Variants in ABHD16A observed in about 807,000 individuals in gnomAD.
The protein encoded by ABHD16A is phosphatidylserine lipase ABHD16A.
A neutral mutation model predicts 89.8 loss-of-function variants in ABHD16A; 47 were observed. That is an observed-to-expected ratio of 0.52 (90% CI 0.41 to 0.67). ABHD16A has a LOEUF of 0.67. Among genes scored for constraint, ABHD16A ranks in the 30% least tolerant of loss-of-function variants. The pLI is 0.00. For synonymous variants in ABHD16A, 251 were observed against 280.4 expected, an observed-to-expected ratio of 0.90 and a Z score of 1.05; for missense variants, 580 against 734.6, an observed-to-expected ratio of 0.79 and a Z score of 2.43.
chr6:31,702,527 T>C (rs1805114726), intron 1 of ABHD16A: 1 of 1,194,944 alleles, frequency 8.4e-7, no homozygotes, highest in South Asian at 1.9e-5. Flanking sequence ...AAGAAGAGAA[T>C]GTGGGTAGGA....
At chr6:31,691,479 G>T (rs1803870702) in intron 9 of ABHD16A, 100 bp downstream of exon 9, 1 of 1,010,382 alleles carries the variant, frequency 9.9e-7, no homozygotes. Flanking sequence ...ATTATCCCCA[G>T]TAGTGGTTCC....
intron 9 of ABHD16A, 62 bp downstream of exon 9, chr6:31,691,517 C>T (rs926300939): frequency 1.3e-5 from 20 of 1,518,608 alleles, no homozygotes; most frequent in Non-Finnish European, 1.5e-5. Context: ...GCATTGGGGT[C>T]CCCAGACCTC....
At chr6:31,702,244 T>C in intron 1 of ABHD16A, 114 bp from the exon 2 acceptor site, 1 of 1,030,178 alleles carries the variant, frequency 9.7e-7, no homozygotes, top group Non-Finnish European at 1.5e-6. Flanking sequence ...CTATCTCTCT[T>C]GAAACATCCC....
At chr6:31,694,272 G>A (rs1372336154) in intron 5 of ABHD16A, among the ~76,000 whole-genome samples, 1 of 151,808 alleles carries the variant, frequency 6.6e-6, no homozygotes, top group African/African-American at 2.4e-5. Flanking sequence ...GCCCAGGCTG[G>A]TCTCCAACTC....
At chr6:31,691,181 G>C (rs1803843376) in intron 9 of ABHD16A, among the ~76,000 whole-genome samples, 1 of 152,064 alleles carries the variant, frequency 6.6e-6, no homozygotes, top group African/African-American at 2.4e-5. Context: ...CCAAATACCA[G>C]CTCTACCACT....
chr6:31,690,514 TAAG>T lies in ABHD16A; in HGVS notation c.907+22_907+24del. 1 of 1,611,774 alleles carries T rather than the reference TAAG, an allele frequency of 6.2e-7. No homozygotes were observed. The highest frequency in any genetic ancestry group is 8.5e-7 in the Non-Finnish European group (1 of 1,178,972). ...GACATTCCCTTTCAAAGGGCGGAGA[TAAG>T]GAGGCTGAGTCACCGTCCTACCTTC... On this transcript the variant is annotated intron_variant, in intron 10 of 19. Coordinates refer to ENST00000395952, the MANE Select transcript of ABHD16A (RefSeq NM_021160.3). This position sits in a 1 kb window ranked among gnomAD's most constrained non-coding sequence, Gnocchi z 4.1.
intron 4 of ABHD16A, among the ~76,000 whole-genome samples, chr6:31,697,673 C>G (rs1292927486): frequency 1.3e-5 from 2 of 152,182 alleles, no homozygotes; most frequent in African/African-American, 4.8e-5. Flanking sequence ...GCTTTCCTTT[C>G]TGAAGCAGAA....
intron 1 of ABHD16A, 46 bp from the exon 2 acceptor site, chr6:31,702,176 T>C: frequency 6.3e-7 from 1 of 1,579,674 alleles, no homozygotes; most frequent in Non-Finnish European, 8.7e-7. Context: ...CACTGGCAGG[T>C]CCTTTCCCTT....
chr6:31,698,269 A>AC lies in ABHD16A; in HGVS notation c.344-1237dup, dbSNP rs1804581920. Among the ~76,000 whole-genome samples, 1 of 151,510 alleles carries AC rather than the reference A, an allele frequency of 6.6e-6. No individual in the cohort carries two copies. The highest frequency in any genetic ancestry group is 6.6e-5 in the Admixed American group (1 of 15,216). ...TGTGCCAGAAAAAAAAAAAACCCAC[A>AC]CCAAATGACAATTATTACTTCTGAG... On this transcript the variant is annotated intron_variant, in intron 4 of 19. Coordinates refer to ENST00000395952, the MANE Select transcript of ABHD16A (RefSeq NM_021160.3). This position sits in a 1 kb window ranked among gnomAD's most constrained non-coding sequence, Gnocchi z 4.1.
Position 31,690,766 on chromosome 6 carries a change from AGAG to A in ABHD16A, c.844-167_844-165del, listed in dbSNP as rs1010075709. ...AGCTTCTCATTCCACAGGGTCCATA[AGAG>A]GAGAAGCAAAGGGATTACAAATACT... On this transcript the variant is annotated intron_variant, in intron 9 of 19. Coordinates refer to ENST00000395952, the MANE Select transcript of ABHD16A (RefSeq NM_021160.3). This position sits in a 1 kb window ranked among gnomAD's most constrained non-coding sequence, Gnocchi z 4.1. Among the ~76,000 whole-genome samples, 8 of 152,192 alleles carry A rather than the reference AGAG, an allele frequency of 5.3e-5. No homozygotes were observed. The highest frequency in any genetic ancestry group is 1.9e-4 in the African/African-American group (8 of 41,440).
Position 31,693,028 on chromosome 6 carries a change from T to C in ABHD16A, c.625A>G (p.Ser209Gly). The C allele has an allele frequency of 1.2e-6, 2 of 1,614,186 alleles. No homozygotes were observed. Among genetic ancestry groups the C allele is most frequent in the Non-Finnish European group, 1.7e-6 (2 of 1,180,032 alleles). ...CCTCTCCTCGCTGCTGTTTCCCACC[T>C]GGTGATCTGACAAGGCAGCTTCTTA... ...RVKKLPCQIT[S>G]YLVAHTLGRR... The change falls in exon 7 of 20, where the codon AGC (serine) becomes GGC (glycine). Residue 209 changes from serine to glycine, a missense_variant and splice_region_variant. Ser to Gly is a moderately conservative substitution (Grantham distance 56, BLOSUM62 0). Coordinates refer to ENST00000395952, the MANE Select transcript of ABHD16A (RefSeq NM_021160.3). This position sits in a 1 kb window ranked among gnomAD's most constrained non-coding sequence, Gnocchi z 5.0.
intron 5 of ABHD16A, among the ~76,000 whole-genome samples, chr6:31,696,081 A>G (rs1402631219): frequency 6.6e-6 from 1 of 150,710 alleles, no homozygotes; most frequent in Non-Finnish European, 1.5e-5. Flanking sequence ...GGACAATGGC[A>G]TGAACCCGGG....
chr6:31,689,566 G>A lies in ABHD16A; in HGVS notation c.1081+15C>T. 6.4e-7 allele frequency: 1 copy of A among 1,573,992 alleles called. No homozygotes were observed. Among genetic ancestry groups the A allele is most frequent in the Non-Finnish European group, 8.6e-7 (1 of 1,160,258 alleles). ...TGAATGTGTCTACAGTGGGGGATGG[G>A]AGGGAGGCTGGTACCAGTGAAGCCG... On this transcript the variant is annotated intron_variant, in intron 12 of 19. Coordinates refer to ENST00000395952, the MANE Select transcript of ABHD16A (RefSeq NM_021160.3).
chr6:31,697,465 C>T (rs1473725815), intron 4 of ABHD16A, among the ~76,000 whole-genome samples: 1 of 152,214 alleles, frequency 6.6e-6, no homozygotes, highest in Non-Finnish European at 1.5e-5. Flanking sequence ...ATTCTAGCCC[C>T]TTGCCATCTG....
chr6:31,688,867 A>G lies in ABHD16A; in HGVS notation c.1187-81T>C, dbSNP rs534868195. On this transcript the variant is annotated intron_variant, in intron 13 of 19. Coordinates refer to ENST00000395952, the MANE Select transcript of ABHD16A (RefSeq NM_021160.3). This position sits in a 1 kb window ranked among gnomAD's most constrained non-coding sequence, Gnocchi z 4.9. ...AGGTCCTCACTATTCACGGAGAAAG[A>G]AAACTGAGGCCCCCAGACAAAGGAG... 252 of 1,498,746 alleles carry G rather than the reference A, an allele frequency of 1.7e-4. 5 individuals carry two copies. In the East Asian group the frequency reaches 2.6e-3, roughly 16 times the overall value. 92.8% of individuals were successfully genotyped at this position (1,498,746 alleles called of 1,614,324 possible). A position where few individuals can be genotyped will look rare whatever the true frequency, so the allele number is the denominator to read the frequency against.
intron 7 of ABHD16A, 185 bp downstream of exon 7, chr6:31,692,842 C>G: frequency 1.4e-6 from 1 of 739,730 alleles, no homozygotes; most frequent in Non-Finnish European, 2.1e-6. Context: ...CTCCAGACCT[C>G]TCTGAGCCTC....
Position 31,687,294 on chromosome 6 carries a change from G to A in ABHD16A, c.1595C>T (p.Ala532Val). The A allele has an allele frequency of 6.2e-7, 1 of 1,612,912 alleles. No individual in the cohort carries two copies. Among genetic ancestry groups the A allele is most frequent in the Non-Finnish European group, 8.5e-7 (1 of 1,179,968 alleles). Residue 532 changes from alanine to valine, a missense_variant and splice_region_variant, in exon 20 of 20, where the codon GCT becomes GTT. By Grantham distance (64) the Ala-to-Val change is moderately conservative (BLOSUM62 0). Transcript: ENST00000395952. The surrounding 1 kb of genome is among the most constrained non-coding windows in gnomAD (Gnocchi z 6.3). ...DGRRQLALFL[A>V]RKHLHNFEAT... Reference sequence around the variant, plus strand: ...CTCAAAGTTGTGCAGATGCTTCCGAGCCTGAGGAAAGGAGGTGGGACAGGT... The same window carrying A: ...CTCAAAGTTGTGCAGATGCTTCCGAACCTGAGGAAAGGAGGTGGGACAGGT...
At chr6:31,697,138 A>C (rs911284675) in intron 4 of ABHD16A, 105 bp from the exon 5 acceptor site, 4 of 1,048,726 alleles carry the variant, frequency 3.8e-6, no homozygotes, top group Non-Finnish European at 5.8e-6. Flanking sequence ...CCTGTAAGAA[A>C]AAGTGAAAGA....
chr6:31,690,143 A>G lies in ABHD16A; in HGVS notation c.908-16T>C. 1.3e-6 allele frequency: 2 copies of G among 1,582,100 alleles called. No homozygotes were observed. Among genetic ancestry groups the G allele is most frequent in the Non-Finnish European group, 1.7e-6 (2 of 1,164,482 alleles). ...GAATATCCAGCTGTAACACAGGGGG[A>G]GGAGGGACTGAGACCTTGTGGCCCA... is the stretch of plus-strand genomic sequence containing the variant. On this transcript the variant is annotated splice_polypyrimidine_tract_variant and intron_variant, in intron 10 of 19. Coordinates refer to ENST00000395952, the MANE Select transcript of ABHD16A (RefSeq NM_021160.3). This position sits in a 1 kb window ranked among gnomAD's most constrained non-coding sequence, Gnocchi z 4.1.
Sources: allele counts gnomAD v4.1 joint callset (sites outside exome capture counted in the v4.1 genomes callset), GRCh38; gene constraint gnomAD v4.1.1; non-coding constraint Gnocchi (gnomAD v3.1); transcripts MANE v1.5; gene names NCBI Gene and HGNC (gene_info 2026-07-23, HGNC 2026-07-21).